WWOX: variants seen among roughly 807,000 people sequenced by gnomAD.
The protein encoded by WWOX is WW domain-containing oxidoreductase.
In WWOX, 69 loss-of-function variants were observed where a neutral mutation model predicts 46.2. The observed-to-expected ratio is 1.49, with a 90% confidence interval of 1.23 to 1.82. The LOEUF is 1.82. WWOX is among the 40% of genes most tolerant of loss of function. WWOX has a pLI of 0.00. For missense variants in WWOX, 919 were observed against 542.6 expected (o/e 1.69, Z -6.89); for synonymous variants, 359 against 202.6 (o/e 1.77, Z -6.56).
intron 8 of WWOX, among the ~76,000 whole-genome samples, chr16:79,116,251 C>A (rs1392882103): frequency 6.6e-6 from 1 of 152,106 alleles, no homozygotes; most frequent in Admixed American, 6.5e-5. Flanking sequence ...TAAAATAAGA[C>A]AAGGATAAAG....
intron 8 of WWOX, among the ~76,000 whole-genome samples, chr16:79,000,551 G>C (rs954831112): frequency 6.6e-6 from 1 of 152,122 alleles, no homozygotes; most frequent in Non-Finnish European, 1.5e-5. Context: ...TAAAGAGGGA[G>C]GAAGCGTCCA....
chr16:79,054,576 C>T (rs984251667), intron 8 of WWOX, among the ~76,000 whole-genome samples: 1 of 152,176 alleles, frequency 6.6e-6, no homozygotes. Flanking sequence ...AATCTCCACA[C>T]TTGGGGCGGT....
intron 8 of WWOX, among the ~76,000 whole-genome samples, chr16:78,923,019 T>C (rs1350004541): frequency 1.3e-5 from 2 of 151,286 alleles, no homozygotes; most frequent in South Asian, 2.1e-4. Context: ...TTTGCTCTTA[T>C]TGCCCAGGCT....
intron 6 of WWOX, among the ~76,000 whole-genome samples, chr16:78,409,524 T>G (rs964397467): frequency 6.6e-6 from 1 of 152,246 alleles, no homozygotes; most frequent in African/African-American, 2.4e-5. Context: ...AGTATTTGTC[T>G]GTTTCTGCTA....
intron 8 of WWOX, among the ~76,000 whole-genome samples, chr16:79,178,635 T>C (rs1324960687): frequency 3.3e-5 from 5 of 152,168 alleles, no homozygotes; most frequent in Admixed American, 6.5e-5. Context: ...GTTTTACATA[T>C]TAAAAATTTC....
At chr16:78,575,048 T>TAA (rs1567655103) in intron 8 of WWOX, among the ~76,000 whole-genome samples, 10 of 10,956 alleles carry the variant, frequency 9.1e-4, no homozygotes, top group Non-Finnish European at 1.1e-3. Flanking sequence ...TATATATATA[T>TAA]ATATATATAT....
chr16:78,800,977 A>T (rs2142652188), intron 8 of WWOX, among the ~76,000 whole-genome samples: 1 of 152,246 alleles, frequency 6.6e-6, no homozygotes, highest in South Asian at 2.1e-4. Flanking sequence ...GCATAAATGC[A>T]AACTATCACC....
In WWOX at chr16:78,927,216, A is replaced by G. The variant is rs1290941896; in HGVS notation, c.1057-284392A>G. ...GAGGTATGTGGTACTCGTGAGCAGG[A>G]TTTTCAATGCCTGGCTGGTTGTTAC... is the stretch of plus-strand genomic sequence containing the variant. On this transcript the variant is annotated intron_variant, in intron 8 of 8. Coordinates refer to ENST00000566780, the MANE Select transcript of WWOX (RefSeq NM_016373.4). Among the ~76,000 whole-genome samples, 3 of 152,148 alleles carry G rather than the reference A, an allele frequency of 2.0e-5. No individual in the cohort carries two copies. The East Asian group carries it at 5.8e-4, about 29-fold the overall frequency.
At chr16:78,715,338 A>T (rs956925183) in intron 8 of WWOX, among the ~76,000 whole-genome samples, 7 of 152,158 alleles carry the variant, frequency 4.6e-5, no homozygotes, top group African/African-American at 1.7e-4. Context: ...CATTTGTCAA[A>T]GTTCTTCATC....
At chr16:78,526,021 T>C (rs1218266231) in intron 8 of WWOX, 1 of 152,228 alleles carries the variant, frequency 6.6e-6, no homozygotes, top group Non-Finnish European at 1.5e-5. Flanking sequence ...AGTAAGCAGC[T>C]CTGGCTTTTA....
rs573675101 is a variant in WWOX, at chr16:79,200,131, C to A, written c.1057-11477C>A. Among the ~76,000 whole-genome samples the A allele has an allele frequency of 2.6e-5, 4 of 152,278 alleles. No individual in the cohort carries two copies. The East Asian group carries it at 7.7e-4, about 29-fold the overall frequency. ...GCAGAAGAGAACACTGCAGGGGAGG[C>A]ACCATAGACCCCTTCTGGTCTGTAC... On this transcript the variant is annotated intron_variant, in intron 8 of 8. Coordinates refer to ENST00000566780, the MANE Select transcript of WWOX (RefSeq NM_016373.4).
chr16:78,765,343 G>T (rs570472310), intron 8 of WWOX, among the ~76,000 whole-genome samples: 2 of 152,220 alleles, frequency 1.3e-5, no homozygotes, highest in Non-Finnish European at 2.9e-5. Context: ...TGAGGGCTTT[G>T]CTCTGACTTC....
chr16:78,191,082 C>T (rs764230010), intron 5 of WWOX, among the ~76,000 whole-genome samples: 18 of 152,282 alleles, frequency 1.2e-4, no homozygotes, highest in Admixed American at 3.3e-4. Flanking sequence ...TCTTTCCAAC[C>T]GCAGTGTTGA....
chr16:78,467,393 T>C (rs895141252), intron 8 of WWOX, among the ~76,000 whole-genome samples: 1 of 152,176 alleles, frequency 6.6e-6, no homozygotes, highest in Non-Finnish European at 1.5e-5. Context: ...TACTATATGC[T>C]AGAGGTGAGG....
intron 4 of WWOX, among the ~76,000 whole-genome samples, chr16:78,129,285 G>A (rs1027804065): frequency 6.2e-5 from 7 of 113,574 alleles, no homozygotes. Context: ...GTGTACACAT[G>A]TTTGCATCTC....
At chr16:79,209,262 G>C (rs1019327828) in intron 8 of WWOX, among the ~76,000 whole-genome samples, 4 of 152,204 alleles carry the variant, frequency 2.6e-5, no homozygotes, top group African/African-American at 9.6e-5. Context: ...CCCAGCTCCT[G>C]CAACAATGGC....
At chr16:78,976,103 A>G (rs1459163642) in intron 8 of WWOX, among the ~76,000 whole-genome samples, 3 of 152,324 alleles carry the variant, frequency 2.0e-5, no homozygotes, top group African/African-American at 7.2e-5. Context: ...GACAATTTCA[A>G]GCTCACGTCT....
chr16:78,619,200 T>A lies in WWOX; in HGVS notation c.1056+186448T>A, dbSNP rs1346525190. Among the ~76,000 whole-genome samples the A allele has an allele frequency of 1.3e-3, 57 of 44,532 alleles. 6 individuals are homozygous for A. The highest frequency in any genetic ancestry group is 7.0e-3 in the East Asian group (8 of 1,144). 29.2% of individuals were successfully genotyped at this position (44,532 alleles called of 152,430 possible). On this transcript the variant is annotated intron_variant, in intron 8 of 8. Coordinates refer to ENST00000566780, the MANE Select transcript of WWOX (RefSeq NM_016373.4). ...ATATATATATATATATATATATATA[T>A]ATATATATATATATGTAGCCATGCA...
intron 8 of WWOX, among the ~76,000 whole-genome samples, chr16:78,666,679 A>G (rs1046908730): frequency 2.6e-5 from 4 of 152,230 alleles, no homozygotes; most frequent in African/African-American, 7.2e-5. Context: ...GCCATCGTGC[A>G]GTAAAGAGCA....
Sources: allele counts gnomAD v4.1 joint callset (sites outside exome capture counted in the v4.1 genomes callset), GRCh38; gene constraint gnomAD v4.1.1; transcripts MANE v1.5; gene names NCBI Gene and HGNC (gene_info 2026-07-23, HGNC 2026-07-21).